CAMK2D: variants seen among roughly 807,000 people sequenced by gnomAD.
CAMK2D encodes calcium/calmodulin dependent protein kinase II delta.
Under a neutral mutation model 84.0 loss-of-function variants are expected in CAMK2D, and 37 were observed. The observed-to-expected ratio is 0.44, with a 90% CI of 0.34 to 0.58. CAMK2D has a LOEUF of 0.58. Among genes scored for constraint, CAMK2D ranks in the 20% least tolerant of loss-of-function variants. The probability of loss-of-function intolerance (pLI) is 0.02; values close to 1 mark genes in which losing one functional copy is unlikely to be tolerated. For missense variants in CAMK2D, 448 were observed against 652.5 expected (o/e 0.69, Z 3.41); for synonymous variants, 202 against 212.5 (o/e 0.95, Z 0.43).
At chr4:113,740,439 T>C (rs560968885) in intron 2 of CAMK2D, among the ~76,000 whole-genome samples, 1 of 152,094 alleles carries the variant, frequency 6.6e-6, no homozygotes, top group South Asian at 2.1e-4. Flanking sequence ...ATAAAACCTA[T>C]AGAGACAGAA....
At chr4:113,621,106 G>A (rs1488225036) in intron 3 of CAMK2D, among the ~76,000 whole-genome samples, 2 of 152,088 alleles carry the variant, frequency 1.3e-5, no homozygotes, top group Non-Finnish European at 2.9e-5. Flanking sequence ...TGTTTTTGTA[G>A]AGACGAGGTC....
intron 2 of CAMK2D, among the ~76,000 whole-genome samples, chr4:113,710,920 T>G (rs1376162769): frequency 6.6e-6 from 1 of 152,156 alleles, no homozygotes; most frequent in Non-Finnish European, 1.5e-5. Context: ...AATGCATGTC[T>G]TCTTTGGACT....
intron 7 of CAMK2D, among the ~76,000 whole-genome samples, chr4:113,533,218 C>CTTAT (rs1375246988): frequency 1.3e-5 from 2 of 152,094 alleles, no homozygotes; most frequent in African/African-American, 2.4e-5. Context: ...CATGCTCATT[C>CTTAT]TTATTTAGTT....
In CAMK2D at chr4:113,540,823, A is replaced by G. The variant is rs115335220; in HGVS notation, c.415-3380T>C. Among the ~76,000 whole-genome samples, 811 of 152,264 alleles carry G rather than the reference A, an allele frequency of 5.3e-3. 10 individuals carry two copies. Among genetic ancestry groups the G allele is most frequent in the African/African-American group, 0.019 (784 of 41,540 alleles). ...TTTTTAATGATGCCAACTTAATGCAATCTATTATGTTACTCTTTATATATT... is the reference window on the plus strand; with the variant it reads ...TTTTTAATGATGCCAACTTAATGCAGTCTATTATGTTACTCTTTATATATT... On this transcript the variant is annotated intron_variant, in intron 6 of 20. Transcript: ENST00000511664.
intron 3 of CAMK2D, among the ~76,000 whole-genome samples, chr4:113,652,446 T>C (rs75880073): frequency 6.6e-6 from 1 of 152,270 alleles, no homozygotes; most frequent in East Asian, 1.9e-4. Context: ...GCAAGTTTAT[T>C]ATCAATGCTA....
At chr4:113,556,037 C>T (rs1236168037) in intron 4 of CAMK2D, among the ~76,000 whole-genome samples, 1 of 152,124 alleles carries the variant, frequency 6.6e-6, no homozygotes, top group Non-Finnish European at 1.5e-5. Context: ...GACTTCCAGC[C>T]TTCAGGACTG....
At chr4:113,745,878 C>T (rs2099603007) in intron 2 of CAMK2D, among the ~76,000 whole-genome samples, 1 of 152,108 alleles carries the variant, frequency 6.6e-6, no homozygotes, top group Admixed American at 6.5e-5. Flanking sequence ...ATTCTCTGGC[C>T]CAGGAAGGAA....
chr4:113,608,468 T>C (rs1027634893), intron 4 of CAMK2D, among the ~76,000 whole-genome samples: 4 of 152,190 alleles, frequency 2.6e-5, no homozygotes, highest in African/African-American at 9.6e-5. Flanking sequence ...GCAATGAACA[T>C]CTTTCAGCAT....
intron 2 of CAMK2D, among the ~76,000 whole-genome samples, chr4:113,720,589 T>A (rs2099527633): frequency 6.6e-6 from 1 of 151,986 alleles, no homozygotes; most frequent in African/African-American, 2.4e-5. Flanking sequence ...AAAAAAAAGC[T>A]AATATCAAAT....
intron 2 of CAMK2D, among the ~76,000 whole-genome samples, chr4:113,676,938 A>T (rs2099320645): frequency 6.6e-6 from 1 of 152,152 alleles, no homozygotes; most frequent in East Asian, 1.9e-4. Flanking sequence ...TATTAAATCA[A>T]TTCCTGTGCT....
At chr4:113,706,532 A>G (rs2099456524) in intron 2 of CAMK2D, among the ~76,000 whole-genome samples, 3 of 152,364 alleles carry the variant, frequency 2.0e-5, no homozygotes, top group Middle Eastern at 3.4e-3. Context: ...GAGATTTTAT[A>G]AACTATATAG....
intron 7 of CAMK2D, among the ~76,000 whole-genome samples, chr4:113,535,188 C>T (rs1043102688): frequency 2.6e-5 from 4 of 152,064 alleles, no homozygotes; most frequent in South Asian, 2.1e-4. Context: ...TGCCTCATAC[C>T]CCAAGTCTCT....
chr4:113,515,610 T>C (rs1302122826), intron 9 of CAMK2D, among the ~76,000 whole-genome samples: 2 of 152,170 alleles, frequency 1.3e-5, no homozygotes. Flanking sequence ...CATCATGATA[T>C]TATGCCAAGG....
intron 6 of CAMK2D, among the ~76,000 whole-genome samples, chr4:113,540,225 C>T (rs901118122): frequency 2.6e-5 from 4 of 152,052 alleles, no homozygotes; most frequent in Admixed American, 2.6e-4. Flanking sequence ...ATTTTGTTGA[C>T]AAGGTTAAAT....
At chr4:113,743,509 A>G (rs2099597455) in intron 2 of CAMK2D, among the ~76,000 whole-genome samples, 1 of 151,970 alleles carries the variant, frequency 6.6e-6, no homozygotes, top group South Asian at 2.1e-4. Flanking sequence ...TCTCAACCCC[A>G]CTTCTATTTC....
chr4:113,502,994 TAGAG>T lies in CAMK2D; in HGVS notation c.1045-21_1045-18del. 1.9e-6 allele frequency: 3 copies of T among 1,586,330 alleles called. No homozygotes were observed. Among genetic ancestry groups the T allele is most frequent in the Non-Finnish European group, 1.7e-6 (2 of 1,154,778 alleles). ...TTGGGGCTCCTGAGTGAGAACAAAATAGAGAAAGAAACAGTTCGCATTGGTAAGT... is the reference window on the plus strand; with the variant it reads ...TTGGGGCTCCTGAGTGAGAACAAAATAAAGAAACAGTTCGCATTGGTAAGT... On this transcript the variant is annotated intron_variant, in intron 14 of 20. Coordinates refer to ENST00000511664, the MANE Select transcript of CAMK2D (RefSeq NM_001321571.2).
intron 17 of CAMK2D, 47 bp from the exon 18 acceptor site, chr4:113,460,288 T>C: frequency 1.0e-6 from 1 of 998,226 alleles, no homozygotes; most frequent in Non-Finnish European, 1.6e-6. Context: ...GGTGCTTTAA[T>C]GTGTTTTGTT....
At chr4:113,517,061 A>G (rs1384730566) in intron 9 of CAMK2D, among the ~76,000 whole-genome samples, 1 of 151,858 alleles carries the variant, frequency 6.6e-6, no homozygotes, top group Non-Finnish European at 1.5e-5. Flanking sequence ...AAATTTTTCA[A>G]TTGTGAAACT....
rs572289511 is a variant in CAMK2D, at chr4:113,741,682, C to G, written c.160+17638G>C. Among the ~76,000 whole-genome samples the G allele has an allele frequency of 8.1e-4, 123 of 152,266 alleles. 1 individual carries two copies. The South Asian group carries it at 0.011, about 14-fold the overall frequency. On this transcript the variant is annotated intron_variant, in intron 2 of 20. Transcript: ENST00000511664. ...AAAACAAAATCCTATCACATTACTT[C>G]CCTGCTTCACATCCTTAAACGGCTT...
Sources: gnomAD v4.1 joint callset for allele counts (sites outside exome capture counted in the v4.1 genomes callset) on GRCh38, gnomAD v4.1.1 for gene constraint, MANE v1.5 for transcripts, NCBI Gene and HGNC (gene_info 2026-07-23, HGNC 2026-07-21) for gene names.